PREX1: variants seen among roughly 807,000 people sequenced by gnomAD.
PREX1 encodes the protein phosphatidylinositol 3,4,5-trisphosphate-dependent Rac exchanger 1 protein.
Under a neutral mutation model 198.3 loss-of-function variants are expected in PREX1, and 41 were observed. That is an observed-to-expected ratio of 0.21 (90% CI 0.16 to 0.27). PREX1 has a LOEUF of 0.27. PREX1 is among the 10% of genes least tolerant of loss of function. The probability of loss-of-function intolerance (pLI) is 1.00; values close to 1 mark genes in which losing one functional copy is unlikely to be tolerated. For synonymous variants in PREX1, 843 were observed against 887.2 expected, an observed-to-expected ratio of 0.95 and a Z score of 0.89; for missense variants, 1,620 against 2,200.7, an observed-to-expected ratio of 0.74 and a Z score of 5.28.
At chr20:48,751,153 C>T (rs73911674) in intron 1 of PREX1, among the ~76,000 whole-genome samples, 2,215 of 152,270 alleles carry the variant, frequency 0.015, 50 homozygotes, top group African/African-American at 0.051. Context: ...CCGGAGACCT[C>T]GACTCAGGCT....
intron 19 of PREX1, 130 bp from the exon 20 acceptor site, chr20:48,653,627 C>T: frequency 8.7e-7 from 1 of 1,153,704 alleles, no homozygotes; most frequent in Non-Finnish European, 1.2e-6. Flanking sequence ...CCTCCCACCC[C>T]AGAGCCGCCC....
chr20:48,716,109 G>C (rs137963082), intron 5 of PREX1, among the ~76,000 whole-genome samples: 1 of 152,228 alleles, frequency 6.6e-6, no homozygotes, highest in African/African-American at 2.4e-5. Flanking sequence ...GCAGGGAAGA[G>C]AGGGGTGTGC....
At position 48,634,761 on chromosome 20, in the gene PREX1, G is replaced by C; in HGVS notation, c.4182C>G (p.Thr1394=). The C allele has an allele frequency of 1.2e-6, 2 of 1,614,084 alleles. No homozygotes were observed. Among genetic ancestry groups the C allele is most frequent in the Non-Finnish European group, 1.7e-6 (2 of 1,179,934 alleles). Residue 1394 remains threonine (T), a synonymous_variant, in exon 33 of 40, where the codon ACC becomes ACG. Transcript: ENST00000371941. ...LSPATVKEER[T]MLEDIWVTLS... ...GCGTCACCCAGATGTCCTCCAGCAT[G>C]GTCCGTTCCTCCTTCTGCAGGAAGA...
chr20:48,847,364 TAAA>T, the PREX1 span, among the ~76,000 whole-genome samples: 7 of 77,234 alleles, frequency 9.1e-5, no homozygotes, highest in East Asian at 3.8e-4. Context: ...CCTTCTCTTA[TAAA>T]AAAAAAAAAA....
Position 48,666,923 on chromosome 20 carries a change from T to C in PREX1, c.1666-568A>G, listed in dbSNP as rs2089644790. 6.6e-6 allele frequency among the ~76,000 whole-genome samples: 1 copy of C among 152,182 alleles called. No homozygotes were observed. The highest frequency in any genetic ancestry group is 6.5e-5 in the Admixed American group (1 of 15,274). ...AATGGAGATTTTAAGCGGCAGACAA[T>C]GTTGGTTGCCTAGCAACACCTTTCC... On this transcript the variant is annotated intron_variant, in intron 14 of 39. Transcript: ENST00000371941. This position sits in a 1 kb window ranked among gnomAD's most constrained non-coding sequence, Gnocchi z 4.3.
At chr20:48,792,728 A>G (rs1427983600) in intron 1 of PREX1, among the ~76,000 whole-genome samples, 2 of 151,928 alleles carry the variant, frequency 1.3e-5, no homozygotes, top group African/African-American at 4.8e-5. Context: ...GTATATCCAT[A>G]TAATGGAATA....
intron 3 of PREX1, among the ~76,000 whole-genome samples, chr20:48,743,798 C>T (rs1386911253): frequency 6.6e-6 from 1 of 152,222 alleles, no homozygotes; most frequent in African/African-American, 2.4e-5. Flanking sequence ...GCAGCCTGGC[C>T]AGAAGCTCTC....
intron 1 of PREX1, among the ~76,000 whole-genome samples, chr20:48,825,466 T>C (rs6095314): frequency 0.31 from 47,450 of 152,032 alleles, 7,593 homozygotes; most frequent in Non-Finnish European, 0.33. Flanking sequence ...TGTAAAGTGT[T>C]AAGGAGATAA....
intron 1 of PREX1, among the ~76,000 whole-genome samples, chr20:48,768,293 G>T (rs73258445): frequency 6.6e-6 from 1 of 152,114 alleles, no homozygotes; most frequent in African/African-American, 2.4e-5. Context: ...ACAGGAGAAC[G>T]GATGAACAAA....
At chr20:48,681,745 C>T (rs1420015166) in intron 10 of PREX1, among the ~76,000 whole-genome samples, 2 of 152,028 alleles carry the variant, frequency 1.3e-5, no homozygotes, top group African/African-American at 4.8e-5. Context: ...GCCAGCAGCA[C>T]ATGGGCAGGT....
Position 48,699,190 on chromosome 20 carries a change from G to A in PREX1, c.917+1563C>T, listed in dbSNP as rs375156276. Among the ~76,000 whole-genome samples, 23 of 152,270 alleles carry A rather than the reference G, an allele frequency of 1.5e-4. 1 individual carries two copies. The East Asian group carries it at 2.9e-3, about 19-fold the overall frequency. The stretch of plus-strand genomic sequence containing the variant: ...GACAAGGAAACTGAGGCTCAGAGAC[G>A]GTCAGTGGCATGGCCTAGGACACAA... On this transcript the variant is annotated intron_variant, in intron 7 of 39. Coordinates refer to ENST00000371941, the MANE Select transcript of PREX1 (RefSeq NM_020820.4).
intron 1 of PREX1, among the ~76,000 whole-genome samples, chr20:48,795,914 G>A (rs964555885): frequency 3.3e-5 from 5 of 152,202 alleles, no homozygotes; most frequent in East Asian, 1.9e-4. Context: ...ACAAATGCAC[G>A]TGCTCGAAAG....
intron 6 of PREX1, among the ~76,000 whole-genome samples, chr20:48,701,966 T>G (rs2089877259): frequency 1.3e-5 from 2 of 151,988 alleles, no homozygotes; most frequent in African/African-American, 4.8e-5. Context: ...CCTGTAATCC[T>G]TTGGGAGGTT....
upstream of PREX1, among the ~76,000 whole-genome samples, chr20:48,829,457 G>C (rs1385943948): frequency 2.0e-5 from 3 of 152,166 alleles, no homozygotes; most frequent in Admixed American, 6.5e-5. Context: ...GAGAGAATGG[G>C]GTGGCTTCTG....
chr20:48,723,417 T>C (rs2122688773), intron 5 of PREX1, among the ~76,000 whole-genome samples: 1 of 152,332 alleles, frequency 6.6e-6, no homozygotes, highest in Admixed American at 6.5e-5. Flanking sequence ...CCCCGGGTGT[T>C]TGCTGATGCA....
At chr20:48,793,305 T>G (rs778116752) in intron 1 of PREX1, among the ~76,000 whole-genome samples, 13 of 152,358 alleles carry the variant, frequency 8.5e-5, no homozygotes, top group Non-Finnish European at 1.3e-4. Flanking sequence ...GGGTTTGGGT[T>G]GTTTTTCAGG....
intron 5 of PREX1, among the ~76,000 whole-genome samples, chr20:48,725,728 G>C (rs919108011): frequency 2.0e-5 from 3 of 152,216 alleles, no homozygotes; most frequent in Non-Finnish European, 2.9e-5. Flanking sequence ...CAGGAGTGCA[G>C]CACCTGACCC....
At chr20:48,812,305 TATA>T (rs1164348144) in intron 1 of PREX1, among the ~76,000 whole-genome samples, 1 of 147,098 alleles carries the variant, frequency 6.8e-6, no homozygotes, top group Non-Finnish European at 1.5e-5. Flanking sequence ...GGGTAAATAA[TATA>T]AGAGGAATGG....
chr20:48,654,097 T>C (rs966070532), intron 19 of PREX1, among the ~76,000 whole-genome samples: 1 of 152,234 alleles, frequency 6.6e-6, no homozygotes, highest in East Asian at 1.9e-4. Context: ...GGGACTTGCA[T>C]GGCTTCAAAC....
Sources: allele counts gnomAD v4.1 joint callset (sites outside exome capture counted in the v4.1 genomes callset), GRCh38; gene constraint gnomAD v4.1.1; non-coding constraint Gnocchi (gnomAD v3.1); transcripts MANE v1.5; gene names NCBI Gene and HGNC (gene_info 2026-07-23, HGNC 2026-07-21).